KRT34: variants seen among roughly 807,000 people sequenced by gnomAD.
KRT34 encodes keratin, type I cuticular Ha4.
A neutral mutation model predicts 41.7 loss-of-function variants in KRT34; 31 were observed. That is an observed-to-expected ratio of 0.74 (90% CI 0.56 to 1.00). KRT34 has a LOEUF of 1.00. Among genes scored for constraint, KRT34 ranks in the 50% least tolerant of loss-of-function variants. The pLI, the probability that KRT34 is intolerant of heterozygous loss-of-function variation, is 0.00. For synonymous variants in KRT34, 224 were observed against 212.9 expected (o/e 1.05, Z -0.45); for missense variants, 523 against 500.3 (o/e 1.05, Z -0.43).
In KRT34 at chr17:41,382,197, G is replaced by A. The variant is rs1415110663; in HGVS notation, c.50C>T (p.Ser17Phe). The A allele has an allele frequency of 3.0e-5, 49 of 1,612,356 alleles. No homozygotes were observed. The Admixed American group carries it at 8.2e-4, about 27-fold the overall frequency. Reference sequence around the variant, plus strand: ...GCTGGGGGGCACGCAGGGCCGGGAGGAGCAGCTGGTGCGGCAGCCCAGGCT... The same window carrying A: ...GCTGGGGGGCACGCAGGGCCGGGAGAAGCAGCTGGTGCGGCAGCCCAGGCT... Reference protein sequence around the residue: ...LPSLGCRTSCSSRPCVPPSCH... With the variant: ...LPSLGCRTSCFSRPCVPPSCH... The change falls in exon 1 of 7, where the codon TCC (serine) becomes TTC (phenylalanine). Residue 17 changes from serine (S) to phenylalanine (F), a missense_variant. Transcript: ENST00000394001.
rs748453377 is a variant in KRT34 at position 41,381,880 on chromosome 17, A to T, written c.348+19T>A. On this transcript the variant is annotated intron_variant, in intron 1 of 6. Transcript: ENST00000394001. The stretch of plus-strand genomic sequence containing the variant: ...GAGAGCCAGCTGCTGCTGGCCCCCC[A>T]TATGGCCAACCCCCTCACCTTCTGC... The T allele has an allele frequency of 1.9e-6, 3 of 1,613,210 alleles. No individual in the cohort carries two copies. Among genetic ancestry groups the T allele is most frequent in the Admixed American group, 1.7e-5 (1 of 59,984 alleles).
At position 41,379,642 on chromosome 17, in the gene KRT34, G is replaced by A. The variant is rs550415508; in HGVS notation, c.678C>T (p.Asn226=). The A allele has an allele frequency of 1.7e-5, 27 of 1,614,104 alleles. No homozygotes were observed. The highest frequency in any genetic ancestry group is 8.3e-5 in the Admixed American group (5 of 60,016). The change falls in exon 4 of 7, where the codon AAC becomes AAT. Residue 226 remains asparagine, a synonymous_variant. Coordinates refer to ENST00000394001, the MANE Select transcript of KRT34 (RefSeq NM_001386014.1). ...GAGCCTCATACTGACTCCTGGTCTCGTTCAGGACCTGGTTCAGGTCCACAG... is the reference window on the plus strand; with the variant it reads ...GAGCCTCATACTGACTCCTGGTCTCATTCAGGACCTGGTTCAGGTCCACAG... ...APTVDLNQVL[N]ETRSQYEALV... is the part of the protein sequence containing the mutation.
At position 41,379,648 on chromosome 17, in the gene KRT34, G is replaced by C. The variant is rs1399157627; in HGVS notation, c.672C>G (p.Val224=). 3.7e-6 allele frequency: 6 copies of C among 1,614,088 alleles called. No homozygotes were observed. Among genetic ancestry groups the C allele is most frequent in the Non-Finnish European group, 5.1e-6 (6 of 1,180,038 alleles). ...DTAPTVDLNQ[V]LNETRSQYEA... ...CATACTGACTCCTGGTCTCGTTCAG[G>C]ACCTGGTTCAGGTCCACAGTGGGGG... Residue 224 remains valine (V), a synonymous_variant, in exon 4 of 7, where the codon GTC becomes GTG. Coordinates refer to ENST00000394001, the MANE Select transcript of KRT34 (RefSeq NM_001386014.1).
At position 41,378,147 on chromosome 17, in the gene KRT34, C is replaced by G. The variant is rs771464925; in HGVS notation, c.1098-1G>C. ...GGTGGCGCATGGGTTGCAGGGGAGCCTAGGAGGACAAGGAGGTTTAGAATG... is the reference window on the plus strand; with the variant it reads ...GGTGGCGCATGGGTTGCAGGGGAGCGTAGGAGGACAAGGAGGTTTAGAATG... On this transcript the variant is annotated splice_acceptor_variant, in intron 6 of 6. Transcript: ENST00000394001. LOFTEE classifies it high-confidence loss of function. 6.2e-7 allele frequency: 1 copy of G among 1,611,740 alleles called. No homozygotes were observed. Among genetic ancestry groups the G allele is most frequent in the South Asian group, 1.1e-5 (1 of 90,940 alleles).
chr17:41,381,117 A>G lies in KRT34; in HGVS notation c.527T>C (p.Leu176Pro), dbSNP rs2017973229. The G allele has an allele frequency of 1.2e-6, 2 of 1,614,002 alleles. No homozygotes were observed. The highest frequency in any genetic ancestry group is 1.7e-6 in the Non-Finnish European group (2 of 1,179,988). The change falls in exon 3 of 7, where the codon CTG becomes CCG. Residue 176 changes from leucine (L) to proline (P), a missense_variant. Physicochemically the swap from Leu to Pro is moderately conservative, Grantham distance 98. Coordinates refer to ENST00000394001, the MANE Select transcript of KRT34 (RefSeq NM_001386014.1). ...LDELTLCKSD[L>P]ESQVESLREE... ...CCTCAGGGACTCCACCTGGGACTCC[A>G]GGTCAGACTTGCAGAGGGTCAGCTC...
At chr17:41,381,866 G>A in intron 1 of KRT34, 33 bp downstream of exon 1, 3 of 1,612,996 alleles carry the variant, frequency 1.9e-6, no homozygotes, top group Non-Finnish European at 1.7e-6. Context: ...AGAGCCAGCT[G>A]CTGCTGGCCC....
intron 2 of KRT34, 124 bp from the exon 3 acceptor site, chr17:41,381,336 A>G (rs542974419): frequency 2.3e-5 from 24 of 1,031,342 alleles, no homozygotes; most frequent in African/African-American, 2.1e-4. Context: ...TCTCTTCCAT[A>G]TGCTTCAGTC....
At position 41,378,125 on chromosome 17, in the gene KRT34, G is replaced by A; in HGVS notation, c.1119C>T (p.Ala373=). ...AGGAGTTGCCACTAGCATTGGTGGT[G>A]GCGCATGGGTTGCAGGGGAGCCTAG... ...EDCKLPCNPC[A]TTNASGNSCG... Residue 373 remains alanine, a synonymous_variant, in exon 7 of 7, where the codon GCC becomes GCT. Transcript: ENST00000394001. 1 of 1,613,968 alleles carries A rather than the reference G, an allele frequency of 6.2e-7. No individual in the cohort carries two copies. The highest frequency in any genetic ancestry group is 1.1e-5 in the South Asian group (1 of 91,026).
rs1333944120 is a variant in KRT34, at chr17:41,377,948, A to C, written c.*111T>G. The stretch of plus-strand genomic sequence containing the variant: ...GCATTCTAGAAATAACATAGAGGCA[A>C]GATGAGGTTTCTTGATGTCAGCTGA... On this transcript the variant is annotated 3_prime_UTR_variant, in exon 7 of 7. Transcript: ENST00000394001. 1.4e-6 allele frequency: 1 copy of C among 734,544 alleles called. No homozygotes were observed. Among genetic ancestry groups the C allele is most frequent in the African/African-American group, 1.7e-5 (1 of 58,444 alleles). The allele number at this position is 734,544 out of a possible 1,614,324, so 45.5% of individuals were successfully genotyped here. A position where few individuals can be genotyped will look rare whatever the true frequency, so the allele number is the denominator to read the frequency against.
At position 41,382,024 on chromosome 17, in the gene KRT34, G is replaced by A. The variant is rs144045423; in HGVS notation, c.223C>T (p.Arg75Cys). The change falls in exon 1 of 7, where the codon CGT (arginine) becomes TGT (cysteine). Residue 75 changes from arginine (R) to cysteine (C), a missense_variant. Transcript: ENST00000394001. ...TCCGCGTTGTCCCGCTCCAGCTGAC[G>A]CACCTTCTCCAGGTAGCTGGCCAGG... is the stretch of plus-strand genomic sequence containing the variant. ...DRLASYLEKV[R>C]QLERDNAELE... is the part of the protein sequence containing the mutation. The A allele has an allele frequency of 1.9e-3, 3,057 of 1,614,170 alleles. 7 individuals carry two copies. Among genetic ancestry groups the A allele is most frequent in the Non-Finnish European group, 2.4e-3 (2,798 of 1,180,048 alleles).
Position 41,382,143 on chromosome 17 carries a change from C to T in KRT34, c.104G>A (p.Cys35Tyr). ...SCHGYTLPGA[C>Y]NIPANVSNCN... ...GTTGCTCACATTGGCGGGGATGTTGCAGGCCCCAGGCAGGGTGTAGCCGTG... is the reference window on the plus strand; with the variant it reads ...GTTGCTCACATTGGCGGGGATGTTGTAGGCCCCAGGCAGGGTGTAGCCGTG... The change falls in exon 1 of 7, where the codon TGC becomes TAC. Residue 35 changes from cysteine (C) to tyrosine (Y), a missense_variant. By Grantham distance (194) the Cys-to-Tyr change is radical (BLOSUM62 -2). Transcript: ENST00000394001. 1 of 1,612,392 alleles carries T rather than the reference C, an allele frequency of 6.2e-7. No homozygotes were observed. Among genetic ancestry groups the T allele is most frequent in the South Asian group, 1.1e-5 (1 of 91,008 alleles).
intron 5 of KRT34, 64 bp downstream of exon 5, chr17:41,379,289 C>A: frequency 6.2e-7 from 1 of 1,610,972 alleles, no homozygotes; most frequent in South Asian, 1.1e-5. Flanking sequence ...TGGCCCCAAG[C>A]ACATCCCCGG....
chr17:41,380,766 C>T (rs905416556), intron 3 of KRT34, among the ~76,000 whole-genome samples: 5 of 152,086 alleles, frequency 3.3e-5, no homozygotes, highest in African/African-American at 9.7e-5. Context: ...TTTTTTGTCC[C>T]TCCATCTCCA....
chr17:41,381,762 C>T lies in KRT34; in HGVS notation c.382G>A (p.Val128Met), dbSNP rs1176405500. 1.9e-6 allele frequency: 3 copies of T among 1,614,120 alleles called. No homozygotes were observed. The highest frequency in any genetic ancestry group is 1.3e-5 in the African/African-American group (1 of 74,950). ...LCAKAENARL[V>M]VNIDNAKLAS... ...AGCTTGGCATTGTCAATGTTCACCA[C>T]CAGCCTGGCATTCTCAGCCTTGGCA... is the stretch of plus-strand genomic sequence containing the variant. Residue 128 changes from valine (V) to methionine (M), a missense_variant, in exon 2 of 7, where the codon GTG (valine) becomes ATG (methionine). Val to Met is a conservative substitution (Grantham distance 21). Transcript: ENST00000394001.
intron 3 of KRT34, among the ~76,000 whole-genome samples, chr17:41,380,036 G>A (rs1380652368): frequency 2.0e-5 from 3 of 152,174 alleles, no homozygotes; most frequent in East Asian, 1.9e-4. Context: ...AGAGGCAGGT[G>A]GATCACGAAG....
intron 2 of KRT34, 41 bp from the exon 3 acceptor site, chr17:41,381,253 C>A: frequency 6.3e-7 from 1 of 1,594,484 alleles, no homozygotes; most frequent in Non-Finnish European, 8.6e-7. Flanking sequence ...GGAAAGAAAA[C>A]CACCTTCCCC....
upstream of KRT34, among the ~76,000 whole-genome samples, chr17:41,383,058 C>T (rs1268530193): frequency 4.7e-5 from 7 of 150,320 alleles, no homozygotes; most frequent in African/African-American, 1.5e-4. Flanking sequence ...CTCACTCTGT[C>T]GCCCAGGCTG....
Position 41,381,915 on chromosome 17 carries a change from T to C in KRT34, c.332A>G (p.Glu111Gly). ...CCCCCTCACCTTCTGCTGGAGCTCCTCAATGGTCTTGAAGTAGGACTGGTA... is the reference window on the plus strand; with the variant it reads ...CCCCCTCACCTTCTGCTGGAGCTCCCCAATGGTCTTGAAGTAGGACTGGTA... ...PSYQSYFKTI[E>G]ELQQKILCAK... The change falls in exon 1 of 7, where the codon GAG (glutamate) becomes GGG (glycine). Residue 111 changes from glutamate to glycine, a missense_variant. Coordinates refer to ENST00000394001, the MANE Select transcript of KRT34 (RefSeq NM_001386014.1). 6.2e-7 allele frequency: 1 copy of C among 1,614,218 alleles called. No individual in the cohort carries two copies. The highest frequency in any genetic ancestry group is 8.5e-7 in the Non-Finnish European group (1 of 1,180,012).
In KRT34 at chr17:41,379,837, C is replaced by T; in HGVS notation, c.589-106G>A. On this transcript the variant is annotated intron_variant, in intron 3 of 6. Transcript: ENST00000394001. ...CCCAAAAAGCACTAAAAGGAATATT[C>T]TGATCATTCCCAAAGAGTGACACAC... The T allele has an allele frequency of 3.3e-6, 4 of 1,198,124 alleles. No individual in the cohort carries two copies. In the South Asian group the frequency reaches 4.8e-5, roughly 14 times the overall value. The allele number at this position is 1,198,124 out of a possible 1,614,324, so 74.2% of individuals were successfully genotyped here. A position where few individuals can be genotyped will look rare whatever the true frequency, so the allele number is the denominator to read the frequency against.
Sources: allele counts gnomAD v4.1 joint callset (sites outside exome capture counted in the v4.1 genomes callset), GRCh38; gene constraint gnomAD v4.1.1; transcripts MANE v1.5; gene names NCBI Gene and HGNC (gene_info 2026-07-23, HGNC 2026-07-21).